SOX6: variants seen among roughly 807,000 people sequenced by gnomAD.
The protein encoded by SOX6 is SRY-box transcription factor 6.
Under a neutral mutation model 97.8 loss-of-function variants are expected in SOX6, and 11 were observed. The observed-to-expected ratio is 0.11, with a 90% CI of 0.07 to 0.19. SOX6 has a LOEUF of 0.19. Ranked by LOEUF, SOX6 falls within the 10% of genes least tolerant of loss-of-function variation. SOX6 has a pLI of 1.00. For synonymous variants in SOX6, 360 were observed against 371.4 expected, an observed-to-expected ratio of 0.97 and a Z score of 0.35; for missense variants, 810 against 1,039.5, an observed-to-expected ratio of 0.78 and a Z score of 3.04.
chr11:16,597,987 G>A (rs1332632446), intron 4 of SOX6, among the ~76,000 whole-genome samples: 1 of 152,002 alleles, frequency 6.6e-6, no homozygotes, highest in African/African-American at 2.4e-5. Context: ...AGGGAAAGAA[G>A]CAAGTTATGT....
chr11:16,678,130 T>C (rs1847898396), intron 3 of SOX6, among the ~76,000 whole-genome samples: 1 of 152,198 alleles, frequency 6.6e-6, no homozygotes, highest in Non-Finnish European at 1.5e-5. Context: ...TTACTGTTTT[T>C]CTGTTCTCTA....
chr11:16,328,060 T>A (rs1856155388), intron 2 of SOX6, among the ~76,000 whole-genome samples: 1 of 152,168 alleles, frequency 6.6e-6, no homozygotes, highest in Non-Finnish European at 1.5e-5. Flanking sequence ...AATGTTATCC[T>A]CAACCTAGTC....
chr11:16,358,148 C>T (rs1857119368), upstream of SOX6, among the ~76,000 whole-genome samples: 1 of 152,142 alleles, frequency 6.6e-6, no homozygotes, highest in Admixed American at 6.6e-5. Flanking sequence ...CAAAAAGGGC[C>T]AGAGCCATAG....
At chr11:16,263,100 C>T (rs2351963) in intron 3 of SOX6, among the ~76,000 whole-genome samples, 118,692 of 151,772 alleles carry the variant, frequency 0.78, 46,555 homozygotes, top group Non-Finnish European at 0.8. Context: ...AGTAAGCATT[C>T]TGATAATTAG....
At chr11:16,643,763 A>G (rs966816237) in intron 3 of SOX6, among the ~76,000 whole-genome samples, 2 of 152,194 alleles carry the variant, frequency 1.3e-5, no homozygotes, top group African/African-American at 4.8e-5. Context: ...ACCGTTGGAA[A>G]AGAGCAGTAT....
At chr11:16,590,195 A>G (rs1848133971) in intron 4 of SOX6, among the ~76,000 whole-genome samples, 1 of 152,184 alleles carries the variant, frequency 6.6e-6, no homozygotes, top group African/African-American at 2.4e-5. Context: ...TTGCAAAAAG[A>G]AATGTCAGGT....
chr11:16,384,085 T>A (rs1260437795), intron 1 of SOX6, among the ~76,000 whole-genome samples: 3 of 151,982 alleles, frequency 2.0e-5, no homozygotes, highest in Non-Finnish European at 1.5e-5. Context: ...AATTTAAAAA[T>A]CAGAAGATAA....
chr11:16,308,380 T>C (rs1421042467), intron 3 of SOX6, among the ~76,000 whole-genome samples: 1 of 152,202 alleles, frequency 6.6e-6, no homozygotes, highest in Non-Finnish European at 1.5e-5. Flanking sequence ...TTAATGCTTA[T>C]CTAGACCAAC....
At chr11:16,193,323 G>C (rs1300268421) in intron 4 of SOX6, among the ~76,000 whole-genome samples, 2 of 152,002 alleles carry the variant, frequency 1.3e-5, no homozygotes, top group Non-Finnish European at 2.9e-5. Flanking sequence ...AGTGAGCTAT[G>C]ATTGCATCGC....
intron 1 of SOX6, among the ~76,000 whole-genome samples, chr11:16,461,631 C>G (rs1234399663): frequency 6.6e-6 from 1 of 152,168 alleles, no homozygotes; most frequent in Non-Finnish European, 1.5e-5. Context: ...TCCTATTCCA[C>G]TGACAAAATC....
intron 2 of SOX6, among the ~76,000 whole-genome samples, chr11:16,735,094 C>T (rs888200434): frequency 6.6e-6 from 1 of 152,054 alleles, no homozygotes; most frequent in East Asian, 1.9e-4. Flanking sequence ...TTTTCAGAGG[C>T]TGAATCTGCC....
At chr11:16,543,052 GC>G (rs1360508643) in intron 4 of SOX6, among the ~76,000 whole-genome samples, 1 of 151,698 alleles carries the variant, frequency 6.6e-6, no homozygotes, top group Non-Finnish European at 1.5e-5. Context: ...AAATACACAT[GC>G]TGCTATTAGA....
rs562970859 is a variant in SOX6 at position 16,529,799 on chromosome 11, T to C, written n.610-53411A>G. ...TTGGTGGCACTCAGACCCTTTAACA[T>C]TGATCCCTTTAACAGATAATCCAAA... is the stretch of plus-strand genomic sequence containing the variant. On this transcript the variant is annotated intron_variant and non_coding_transcript_variant, in intron 4 of 5. Transcript: ENST00000524520. 5.9e-5 allele frequency among the ~76,000 whole-genome samples: 9 copies of C among 152,166 alleles called. No homozygotes were observed. In the South Asian group the frequency reaches 8.3e-4, roughly 14 times the overall value.
intron 9 of SOX6, 23 bp from the exon 10 acceptor site, chr11:16,055,924 A>G (rs745714972): frequency 9.9e-6 from 16 of 1,612,682 alleles, no homozygotes; most frequent in African/African-American, 9.3e-5. Flanking sequence ...GAAGACAAAC[A>G]TTGATCTCTT....
At chr11:16,385,468 A>G (rs999486770) in intron 1 of SOX6, among the ~76,000 whole-genome samples, 2 of 152,150 alleles carry the variant, frequency 1.3e-5, no homozygotes, top group Admixed American at 1.3e-4. Context: ...TTGGGAAATA[A>G]ACAAAAATGC....
intron 4 of SOX6, among the ~76,000 whole-genome samples, chr11:16,219,005 A>G (rs1590039268): frequency 6.6e-6 from 1 of 152,218 alleles, no homozygotes; most frequent in South Asian, 2.1e-4. Flanking sequence ...ACCTTTCAGC[A>G]TTAGGGATCT....
intron 9 of SOX6, among the ~76,000 whole-genome samples, chr11:16,087,651 T>G (rs942953768): frequency 1.3e-5 from 2 of 152,134 alleles, no homozygotes; most frequent in Non-Finnish European, 2.9e-5. Flanking sequence ...AACAGTCTAA[T>G]AGGTCTTAAT....
At chr11:16,734,765 T>G (rs895393364) in intron 2 of SOX6, among the ~76,000 whole-genome samples, 25 of 152,118 alleles carry the variant, frequency 1.6e-4, no homozygotes, top group African/African-American at 5.8e-4. Flanking sequence ...ATCTATTGAG[T>G]GATAGTTTAT....
intron 1 of SOX6, among the ~76,000 whole-genome samples, chr11:16,466,020 T>G (rs575081988): frequency 6.6e-6 from 1 of 152,362 alleles, no homozygotes; most frequent in African/African-American, 2.4e-5. Context: ...CAAACTTTTT[T>G]GAATAATTAA....
Sources: gnomAD v4.1 joint callset for allele counts (sites outside exome capture counted in the v4.1 genomes callset) on GRCh38, gnomAD v4.1.1 for gene constraint, MANE v1.5 for transcripts, NCBI Gene and HGNC (gene_info 2026-07-23, HGNC 2026-07-21) for gene names.